Variants in LRTM1 observed in about 807,000 individuals in gnomAD.
LRTM1 encodes leucine rich repeat transmembrane protein 1.
A neutral mutation model predicts 32.4 loss-of-function variants in LRTM1; 38 were observed. The observed-to-expected ratio is 1.17, with a 90% confidence interval of 0.91 to 1.54. LRTM1 has a LOEUF of 1.54. Ranked by LOEUF, LRTM1 falls within the 40% of genes most tolerant of loss-of-function variation. The pLI, the probability that LRTM1 is intolerant of heterozygous loss-of-function variation, is 0.00. For synonymous variants in LRTM1, 186 were observed against 169.9 expected (o/e 1.09, Z -0.74); for missense variants, 466 against 415.4 (o/e 1.12, Z -1.06).
upstream of LRTM1, among the ~76,000 whole-genome samples, chr3:54,928,605 A>G (rs1293361894): frequency 6.6e-6 from 1 of 152,144 alleles, no homozygotes; most frequent in Non-Finnish European, 1.5e-5. Flanking sequence ...CCTGAAATTC[A>G]TAGCCATGGT....
intron 1 of LRTM1, among the ~76,000 whole-genome samples, chr3:54,946,206 T>A (rs923117012): frequency 2.6e-5 from 4 of 152,220 alleles, no homozygotes; most frequent in Non-Finnish European, 2.9e-5. Context: ...TGCCTGTTAA[T>A]GCTTACCTCC....
intron 1 of LRTM1, among the ~76,000 whole-genome samples, chr3:54,954,043 A>T (rs1183716213): frequency 2.0e-5 from 3 of 152,232 alleles, no homozygotes; most frequent in Non-Finnish European, 4.4e-5. Context: ...AGTCTTCATT[A>T]TCCTAGTAGG....
At chr3:54,949,517 A>G (rs1397821996) in intron 1 of LRTM1, among the ~76,000 whole-genome samples, 3 of 152,190 alleles carry the variant, frequency 2.0e-5, no homozygotes, top group Non-Finnish European at 4.4e-5. Context: ...GGTTGGGTTC[A>G]ATGGCCCACT....
chr3:54,924,241 G>A (rs1269432434), intron 2 of LRTM1, among the ~76,000 whole-genome samples: 2 of 152,198 alleles, frequency 1.3e-5, no homozygotes, highest in African/African-American at 4.8e-5. Flanking sequence ...CCCAGAGAGA[G>A]ATAACCATAC....
At position 54,952,829 on chromosome 3, in the gene LRTM1, G is replaced by A. The variant is rs77217725; in HGVS notation, c.-222+14099C>T. Among the ~76,000 whole-genome samples the A allele has an allele frequency of 1.2e-4, 19 of 152,202 alleles. No individual in the cohort carries two copies. The East Asian group carries it at 3.1e-3, about 25-fold the overall frequency. ...CAATATCTATCTATGAGGATTCCAC[G>A]TGCTCTTTGGATGTTTTACAAATTC... is the stretch of plus-strand genomic sequence containing the variant. On this transcript the variant is annotated intron_variant, in intron 1 of 2. Transcript: ENST00000493075.
intron 1 of LRTM1, among the ~76,000 whole-genome samples, chr3:54,948,073 G>GA (rs1701659070): frequency 6.6e-6 from 1 of 152,188 alleles, no homozygotes; most frequent in Non-Finnish European, 1.5e-5. Flanking sequence ...AGGAGATGGT[G>GA]ATGTCCAGGT....
At chr3:54,957,058 A>G (rs1447444810) in intron 1 of LRTM1, among the ~76,000 whole-genome samples, 1 of 152,196 alleles carries the variant, frequency 6.6e-6, no homozygotes, top group East Asian at 1.9e-4. Context: ...TCTAGCAGAC[A>G]CCTGGCACAT....
chr3:54,940,092 A>T (rs1377232672), intron 1 of LRTM1, among the ~76,000 whole-genome samples: 1 of 152,202 alleles, frequency 6.6e-6, no homozygotes, highest in Non-Finnish European at 1.5e-5. Context: ...TCAATCTTCT[A>T]TGGTCAGGAA....
intron 2 of LRTM1, among the ~76,000 whole-genome samples, chr3:54,919,471 A>G (rs1420209436): frequency 3.3e-5 from 5 of 152,216 alleles, no homozygotes; most frequent in Non-Finnish European, 7.3e-5. Context: ...ATTCGGTACC[A>G]TGAATGTGTC....
chr3:54,930,406 G>T (rs908415), upstream of LRTM1, among the ~76,000 whole-genome samples: 1 of 152,092 alleles, frequency 6.6e-6, no homozygotes, highest in South Asian at 2.1e-4. Flanking sequence ...CTACTTACCA[G>T]CTTTAAGGGG....
chr3:54,951,901 T>A (rs948827884), intron 1 of LRTM1, among the ~76,000 whole-genome samples: 2 of 152,126 alleles, frequency 1.3e-5, no homozygotes, highest in African/African-American at 4.8e-5. Context: ...CAGGCTGGAG[T>A]GCAGTGACGC....
At position 54,927,901 on chromosome 3, in the gene LRTM1, T is replaced by C. The variant is rs1441023532; in HGVS notation, c.7+4A>G. On this transcript the variant is annotated splice_donor_region_variant and intron_variant, in intron 1 of 2. Coordinates refer to ENST00000273286, the MANE Select transcript of LRTM1 (RefSeq NM_020678.4). ...TTTTCCAACGGGAATTGATCAGGGC[T>C]CACCTTTCATGACTGAGTCTCCTTG... 1 of 1,613,644 alleles carries C rather than the reference T, an allele frequency of 6.2e-7. No individual in the cohort carries two copies. Among genetic ancestry groups the C allele is most frequent in the East Asian group, 2.2e-5 (1 of 44,872 alleles).
upstream of LRTM1, among the ~76,000 whole-genome samples, chr3:54,933,051 C>T (rs897461174): frequency 2.9e-5 from 4 of 139,542 alleles, no homozygotes; most frequent in African/African-American, 5.4e-5. Flanking sequence ...ATCCATCCCT[C>T]CCTTCCTTCC....
upstream of LRTM1, among the ~76,000 whole-genome samples, chr3:54,928,735 G>A (rs1039695724): frequency 2.2e-5 from 3 of 137,264 alleles, no homozygotes; most frequent in Non-Finnish European, 4.7e-5. Flanking sequence ...GAGTTGAATT[G>A]ACCTTTTGGT....
intron 1 of LRTM1, among the ~76,000 whole-genome samples, chr3:54,939,705 C>T (rs1701414837): frequency 6.6e-6 from 1 of 152,188 alleles, no homozygotes; most frequent in African/African-American, 2.4e-5. Context: ...ATTCAGAAGC[C>T]GCCCCTGCAG....
chr3:54,928,505 A>G (rs1051157496), upstream of LRTM1, among the ~76,000 whole-genome samples: 21 of 152,140 alleles, frequency 1.4e-4, no homozygotes, highest in African/African-American at 5.1e-4. Flanking sequence ...CTGGAGGCTG[A>G]CACGGTTTGC....
rs184029300 is a variant in LRTM1, at chr3:54,921,849, G to C, written c.604+2770C>G. ...TTATTGCATATATAACTAAAGTCTG[G>C]GCTAGTCTGTTATGTCGGTTAGCCT... On this transcript the variant is annotated intron_variant, in intron 2 of 2. Coordinates refer to ENST00000273286, the MANE Select transcript of LRTM1 (RefSeq NM_020678.4). Among the ~76,000 whole-genome samples the C allele has an allele frequency of 2.6e-5, 4 of 151,906 alleles. No individual in the cohort carries two copies. In the East Asian group the frequency reaches 7.7e-4, roughly 29 times the overall value.
At chr3:54,926,171 A>G (rs1701009893) in intron 1 of LRTM1, among the ~76,000 whole-genome samples, 2 of 152,168 alleles carry the variant, frequency 1.3e-5, no homozygotes, top group South Asian at 4.2e-4. Context: ...AAAAACAATC[A>G]TTAGTAATGA....
At position 54,918,332 on chromosome 3, in the gene LRTM1, CTTTTTTTT is replaced by C. The variant is rs533596688; in HGVS notation, c.*119_*126del. On this transcript the variant is annotated 3_prime_UTR_variant, in exon 3 of 3. Transcript: ENST00000273286. ...TTTTACAGACACATCTTTTTTTTTTCTTTTTTTTTTTTTTTTTTTTTTTGTCTTTTGGC... is the reference window on the plus strand; with the variant it reads ...TTTTACAGACACATCTTTTTTTTTTCTTTTTTTTTTTTTTTGTCTTTTGGC... 2.0e-3 allele frequency: 452 copies of C among 227,688 alleles called. No homozygotes were observed. The highest frequency in any genetic ancestry group is 4.8e-3 in the East Asian group (70 of 14,568). The allele number at this position is 227,688 out of a possible 1,614,324, so 14.1% of individuals were successfully genotyped here. A position where few individuals can be genotyped will look rare whatever the true frequency, so the allele number is the denominator to read the frequency against.
Sources: gnomAD v4.1 joint callset for allele counts (sites outside exome capture counted in the v4.1 genomes callset) on GRCh38, gnomAD v4.1.1 for gene constraint, MANE v1.5 for transcripts, NCBI Gene and HGNC (gene_info 2026-07-23, HGNC 2026-07-21) for gene names.